The following ARMC6 variants were observed in gnomAD, a reference collection of about 807,000 sequenced individuals.
The protein encoded by ARMC6 is armadillo repeat-containing protein 6.
A neutral mutation model predicts 49.2 loss-of-function variants in ARMC6; 43 were observed. The observed-to-expected ratio is 0.87, with a 90% CI of 0.69 to 1.13. ARMC6 has a LOEUF of 1.13. Ranked by LOEUF, ARMC6 falls within the 50% of genes most tolerant of loss-of-function variation. The pLI, the probability that ARMC6 is intolerant of heterozygous loss-of-function variation, is 0.00. For synonymous variants in ARMC6, 262 were observed against 289.6 expected, an observed-to-expected ratio of 0.90 and a Z score of 0.97; for missense variants, 627 against 682.0, an observed-to-expected ratio of 0.92 and a Z score of 0.90.
chr19:19,053,722 C>T (rs1384046213), intron 5 of ARMC6, among the ~76,000 whole-genome samples: 2 of 152,074 alleles, frequency 1.3e-5, no homozygotes, highest in Non-Finnish European at 2.9e-5. Context: ...ATCTGCGGCT[C>T]CTGTGTTCAG....
At chr19:19,049,117 A>G (rs1338143446) in intron 4 of ARMC6, among the ~76,000 whole-genome samples, 1 of 136,016 alleles carries the variant, frequency 7.4e-6, no homozygotes, top group Non-Finnish European at 1.5e-5. Context: ...CAGTGGTGTG[A>G]TCTTAGCTCA....
At chr19:19,051,246 ATGG>A (rs2059492317) in intron 4 of ARMC6, among the ~76,000 whole-genome samples, 1 of 152,098 alleles carries the variant, frequency 6.6e-6, no homozygotes, top group South Asian at 2.1e-4. Flanking sequence ...GCTCAACTGG[ATGG>A]TTCTTCTGCT....
chr19:19,034,173 A>T lies in ARMC6; in HGVS notation c.-37A>T. 1 of 1,513,840 alleles carries T rather than the reference A, an allele frequency of 6.6e-7. No homozygotes were observed. The highest frequency in any genetic ancestry group is 1.1e-5 in the South Asian group (1 of 87,780). 93.8% of individuals were successfully genotyped at this position (1,513,840 alleles called of 1,614,324 possible). A position where few individuals can be genotyped will look rare whatever the true frequency, so the allele number is the denominator to read the frequency against. ...CCTGCTGCGTGTCGGGCCCCGTCCT[A>T]GGCAGTGGGGACAAGGAGGCTACAG... On this transcript the variant is annotated 5_prime_UTR_variant, in exon 2 of 9. Transcript: ENST00000535612.
intron 2 of ARMC6, among the ~76,000 whole-genome samples, chr19:19,036,166 A>G (rs897820438): frequency 2.0e-5 from 3 of 152,098 alleles, no homozygotes; most frequent in African/African-American, 7.2e-5. Context: ...GGTTCAAGCA[A>G]TTCTCTTGCC....
Position 19,043,549 on chromosome 19 carries a change from CAG to C in ARMC6, c.197-442_197-441del, listed in dbSNP as rs529517793. On this transcript the variant is annotated intron_variant, in intron 3 of 8. Coordinates refer to ENST00000535612, the MANE Select transcript of ARMC6 (RefSeq NM_001199196.2). ...ACAGAGTGGGGTATAGAACACTAGA[CAG>C]GGGCCAGTGGGACAAGCAAAAGCGT... 1.0e-3 allele frequency among the ~76,000 whole-genome samples: 156 copies of C among 152,262 alleles called. 1 individual carries two copies. Among genetic ancestry groups the C allele is most frequent in the Middle Eastern group, 6.8e-3 (2 of 294 alleles).
chr19:19,034,596 A>G (rs1430651042), intron 2 of ARMC6, among the ~76,000 whole-genome samples: 1 of 151,862 alleles, frequency 6.6e-6, no homozygotes, highest in African/African-American at 2.4e-5. Flanking sequence ...GCACACGTTT[A>G]ATTTTCTTTT....
In ARMC6 at chr19:19,058,158, G is replaced by C. The variant is rs138175472; in HGVS notation, c.*530G>C. 5.1e-4 allele frequency: 91 copies of C among 177,696 alleles called. No homozygotes were observed. The highest frequency in any genetic ancestry group is 9.5e-4 in the Non-Finnish European group (80 of 83,936). The allele number at this position is 177,696 out of a possible 1,614,324, so 11.0% of individuals were successfully genotyped here. ...CCAGCCAGGATACCTGATAATAAAA[G>C]ATCATTGGGTGAACAGCGGAGGGGT... On this transcript the variant is annotated 3_prime_UTR_variant, in exon 9 of 9. Coordinates refer to ENST00000535612, the MANE Select transcript of ARMC6 (RefSeq NM_001199196.2).
chr19:19,051,519 C>T (rs923038346), intron 4 of ARMC6, 103 bp from the exon 5 acceptor site: 18 of 1,113,050 alleles, frequency 1.6e-5, no homozygotes, highest in Non-Finnish European at 2.2e-5. Flanking sequence ...ACTGCAGGCC[C>T]AGATCCCAGG....
At position 19,042,804 on chromosome 19, in the gene ARMC6, C is replaced by T. The variant is rs769945048; in HGVS notation, c.123C>T (p.Arg41=). The change falls in exon 3 of 9, where the codon CGC becomes CGT. Residue 41 remains arginine, a synonymous_variant. Coordinates refer to ENST00000535612, the MANE Select transcript of ARMC6 (RefSeq NM_001199196.2). ...IAQETFDAAV[R]ENIEEFAMGP... ...AGGAGACCTTTGATGCAGCTGTGCG[C>T]GAGAACATCGAGGAGTTTGCGATGG... 2.3e-5 allele frequency: 37 copies of T among 1,613,990 alleles called. No homozygotes were observed. Among genetic ancestry groups the T allele is most frequent in the Middle Eastern group, 3.3e-4 (2 of 6,062 alleles).
Position 19,055,833 on chromosome 19 carries a change from C to G in ARMC6, c.1198C>G (p.Arg400Gly), listed in dbSNP as rs142084096. 1 of 1,609,914 alleles carries G rather than the reference C, an allele frequency of 6.2e-7. No individual in the cohort carries two copies. The highest frequency in any genetic ancestry group is 8.5e-7 in the Non-Finnish European group (1 of 1,177,296). Residue 400 changes from arginine (R) to glycine (G), a missense_variant, in exon 8 of 9, where the codon CGT becomes GGT. Transcript: ENST00000535612. This position sits in a 1 kb window ranked among gnomAD's most constrained non-coding sequence, Gnocchi z 5.7. Reference protein sequence around the residue: ...SCAALCFLALRKPDNSRIIVE... With the variant: ...SCAALCFLALGKPDNSRIIVE... ...CGCGGCCCTGTGCTTCCTGGCCCTG[C>G]GTAAGCCCGACAACAGCCGCATCAT...
intron 2 of ARMC6, among the ~76,000 whole-genome samples, chr19:19,038,442 T>C (rs1435038915): frequency 6.6e-6 from 1 of 152,038 alleles, no homozygotes; most frequent in African/African-American, 2.4e-5. Context: ...TTACCAAGAG[T>C]TTTATCTTAC....
At position 19,055,655 on chromosome 19, in the gene ARMC6, C is replaced by T; in HGVS notation, c.1156-136C>T. 1 of 1,305,988 alleles carries T rather than the reference C, an allele frequency of 7.7e-7. No individual in the cohort carries two copies. The highest frequency in any genetic ancestry group is 1.0e-6 in the Non-Finnish European group (1 of 960,858). 80.9% of individuals were successfully genotyped at this position (1,305,988 alleles called of 1,614,324 possible). On this transcript the variant is annotated intron_variant, in intron 7 of 8. Coordinates refer to ENST00000535612, the MANE Select transcript of ARMC6 (RefSeq NM_001199196.2). This position sits in a 1 kb window ranked among gnomAD's most constrained non-coding sequence, Gnocchi z 5.7. ...CTGAGCTGATATTTTTGTCACCCTGCCATTATTACACAGGAGTTGCCAGAG... is the reference window on the plus strand; with the variant it reads ...CTGAGCTGATATTTTTGTCACCCTGTCATTATTACACAGGAGTTGCCAGAG...
rs1311177256 is a variant in ARMC6, at chr19:19,033,914, G to C, written c.-96G>C. On this transcript the variant is annotated 5_prime_UTR_variant, in exon 1 of 9. Transcript: ENST00000535612. ...AACCGCGCGCCCCACCTTTCCCCAC[G>C]TGGCCGCGAAGACCGGGTGAGACGC... is the stretch of plus-strand genomic sequence containing the variant. 7.4e-6 allele frequency: 3 copies of C among 407,290 alleles called. No individual in the cohort carries two copies. The highest frequency in any genetic ancestry group is 1.3e-5 in the Non-Finnish European group (3 of 225,496). The allele number at this position is 407,290 out of a possible 1,614,324, so 25.2% of individuals were successfully genotyped here. A position where few individuals can be genotyped will look rare whatever the true frequency, so the allele number is the denominator to read the frequency against.
At chr19:19,034,864 CTTT>C (rs1219565495) in intron 2 of ARMC6, among the ~76,000 whole-genome samples, 1 of 139,348 alleles carries the variant, frequency 7.2e-6, no homozygotes. Context: ...CTTGCCTGGC[CTTT>C]TTTTTTTTTT....
At chr19:19,034,713 C>T (rs1374366263) in intron 2 of ARMC6, among the ~76,000 whole-genome samples, 3 of 151,900 alleles carry the variant, frequency 2.0e-5, no homozygotes, top group Admixed American at 1.3e-4. Flanking sequence ...CTCAGCCTCC[C>T]GAGTAGCTGG....
At chr19:19,037,454 G>T in intron 2 of ARMC6, 1 of 348,612 alleles carries the variant, frequency 2.9e-6, no homozygotes, top group Non-Finnish European at 5.7e-6. Context: ...TCAGCTCACT[G>T]CAGCCTTGAC....
At chr19:19,052,561 T>G (rs536624288) in intron 5 of ARMC6, among the ~76,000 whole-genome samples, 41 of 152,296 alleles carry the variant, frequency 2.7e-4, no homozygotes, top group African/African-American at 8.4e-4. Flanking sequence ...CAGTCTCAGC[T>G]GGATGTGTAC....
chr19:19,056,482 G>A (rs548100909), intron 8 of ARMC6, among the ~76,000 whole-genome samples: 2 of 152,056 alleles, frequency 1.3e-5, no homozygotes, highest in East Asian at 1.9e-4. Context: ...GGCTGGTCTC[G>A]AACTCCTGAC....
intron 8 of ARMC6, 139 bp downstream of exon 8, chr19:19,056,067 C>A: frequency 9.7e-7 from 1 of 1,029,418 alleles, no homozygotes; most frequent in South Asian, 2.6e-5. Context: ...CTGTCCCTGT[C>A]CCTCCCACAG....
Sources: allele counts gnomAD v4.1 joint callset (sites outside exome capture counted in the v4.1 genomes callset), GRCh38; gene constraint gnomAD v4.1.1; non-coding constraint Gnocchi (gnomAD v3.1); transcripts MANE v1.5; gene names NCBI Gene and HGNC (gene_info 2026-07-23, HGNC 2026-07-21).